PTPRC: variants seen among roughly 807,000 people sequenced by gnomAD.
PTPRC encodes protein tyrosine phosphatase receptor type C, also known as receptor-type tyrosine-protein phosphatase C.
Under a neutral mutation model 155.9 loss-of-function variants are expected in PTPRC, and 44 were observed. That is an observed-to-expected ratio of 0.28 (90% CI 0.22 to 0.36). The LOEUF (loss-of-function observed/expected upper bound fraction) is 0.36. PTPRC is among the 10% of genes least tolerant of loss of function. The pLI, the probability that PTPRC is intolerant of heterozygous loss-of-function variation, is 1.00. For synonymous variants in PTPRC, 525 were observed against 533.1 expected (o/e 0.98, Z 0.21); for missense variants, 1,401 against 1,564.6 (o/e 0.90, Z 1.76).
At chr1:198,725,939 T>C (rs1231446235) in intron 15 of PTPRC, among the ~76,000 whole-genome samples, 1 of 152,238 alleles carries the variant, frequency 6.6e-6, no homozygotes, top group Non-Finnish European at 1.5e-5. Flanking sequence ...TCTCTCATTT[T>C]CACTGTCATT....
chr1:198,657,314 G>A (rs1292561987), intron 2 of PTPRC, among the ~76,000 whole-genome samples: 2 of 151,022 alleles, frequency 1.3e-5, no homozygotes, highest in African/African-American at 4.9e-5. Flanking sequence ...GATTACTCGT[G>A]CTTTCCATTT....
chr1:198,718,986 A>G (rs1384541669), intron 14 of PTPRC, among the ~76,000 whole-genome samples: 1 of 152,066 alleles, frequency 6.6e-6, no homozygotes, highest in Non-Finnish European at 1.5e-5. Context: ...ATCACATTCT[A>G]TTAACTATAA....
At chr1:198,645,673 C>T (rs1662901463) in intron 2 of PTPRC, among the ~76,000 whole-genome samples, 1 of 151,748 alleles carries the variant, frequency 6.6e-6, no homozygotes, top group African/African-American at 2.4e-5. Context: ...AACTTGATTC[C>T]AAATGATATC....
intron 20 of PTPRC, among the ~76,000 whole-genome samples, chr1:198,733,088 G>A (rs550338190): frequency 4.0e-5 from 6 of 151,678 alleles, no homozygotes; most frequent in South Asian, 4.2e-4. Context: ...GTAAATGTCC[G>A]TACGTGGTTA....
rs1437379406 is a variant in PTPRC at position 198,752,292 on chromosome 1, G to A, written c.3251G>A (p.Gly1084Glu). The A allele has an allele frequency of 1.2e-5, 19 of 1,611,702 alleles. No individual in the cohort carries two copies. The highest frequency in any genetic ancestry group is 1.6e-5 in the Non-Finnish European group (19 of 1,178,290). ...QYWGEGKQTY[G>E]DIEVDLKDTD... ...TGGGGAGAAGGAAAGCAAACATATG[G>A]AGATATTGAAGTTGACCTGAAAGAC... The change falls in exon 30 of 33, where the codon GGA becomes GAA. Residue 1084 changes from glycine (G) to glutamate (E), a missense_variant. Physicochemically the swap from Gly to Glu is moderately conservative, Grantham distance 98 (BLOSUM62 -2). Coordinates refer to ENST00000442510, the MANE Select transcript of PTPRC (RefSeq NM_002838.5).
chr1:198,665,793 A>C (rs1664260619), intron 2 of PTPRC, among the ~76,000 whole-genome samples: 1 of 152,234 alleles, frequency 6.6e-6, no homozygotes, highest in Non-Finnish European at 1.5e-5. Context: ...CATGTCTGGC[A>C]ACATGTTGGC....
At chr1:198,737,836 C>A (rs1001300831) in intron 23 of PTPRC, among the ~76,000 whole-genome samples, 4 of 151,656 alleles carry the variant, frequency 2.6e-5, no homozygotes, top group African/African-American at 9.7e-5. Flanking sequence ...CAATTTCTTG[C>A]ATCAATGTTT....
rs2102559184 is a variant in PTPRC, at chr1:198,755,839, T to G, written c.3646-67T>G. 2.7e-6 allele frequency: 4 copies of G among 1,487,098 alleles called. No individual in the cohort carries two copies. The East Asian group carries it at 9.1e-5, about 34-fold the overall frequency. The allele number at this position is 1,487,098 out of a possible 1,614,324, so 92.1% of individuals were successfully genotyped here. A position where few individuals can be genotyped will look rare whatever the true frequency, so the allele number is the denominator to read the frequency against. On this transcript the variant is annotated intron_variant, in intron 32 of 32. Transcript: ENST00000442510. ...AATAAATCATTAGTTCTTGCTAATCTTCATCTGGCATAAAAATAATGACAT... is the reference window on the plus strand; with the variant it reads ...AATAAATCATTAGTTCTTGCTAATCGTCATCTGGCATAAAAATAATGACAT...
chr1:198,752,812 T>C (rs751403830), intron 31 of PTPRC, 40 bp downstream of exon 31: 1 of 1,591,026 alleles, frequency 6.3e-7, no homozygotes. Context: ...AAAATCATAA[T>C]GCTTGACTTC....
intron 14 of PTPRC, among the ~76,000 whole-genome samples, chr1:198,720,411 C>T (rs1299043135): frequency 1.3e-5 from 2 of 152,054 alleles, no homozygotes; most frequent in African/African-American, 4.8e-5. Context: ...GCTCCTGCAA[C>T]CTCCGCCTCC....
At chr1:198,755,844 C>A in intron 32 of PTPRC, 62 bp from the exon 33 acceptor site, 1 of 1,493,136 alleles carries the variant, frequency 6.7e-7, no homozygotes, top group Non-Finnish European at 9.3e-7. Context: ...TAATCTTCAT[C>A]TGGCATAAAA....
intron 16 of PTPRC, 55 bp downstream of exon 16, chr1:198,728,503 G>C: frequency 6.3e-7 from 1 of 1,586,376 alleles, no homozygotes; most frequent in Non-Finnish European, 8.6e-7. Context: ...TGGTGCAAAC[G>C]CATATCCATA....
At chr1:198,747,196 C>A (rs1417550069) in intron 26 of PTPRC, among the ~76,000 whole-genome samples, 1 of 150,374 alleles carries the variant, frequency 6.7e-6, no homozygotes, top group African/African-American at 2.4e-5. Flanking sequence ...TAAACTGATA[C>A]CTAGAGGGTA....
At chr1:198,669,049 G>A (rs1664497149) in intron 2 of PTPRC, among the ~76,000 whole-genome samples, 1 of 152,186 alleles carries the variant, frequency 6.6e-6, no homozygotes, top group African/African-American at 2.4e-5. Context: ...GATTTTATGT[G>A]ATTCAGTCTA....
rs201158579 is a variant in PTPRC, at chr1:198,728,389, A to C, written c.1770A>C (p.Thr590=). 12 of 1,613,172 alleles carry C rather than the reference A, an allele frequency of 7.4e-6. No individual in the cohort carries two copies. In the East Asian group the frequency reaches 2.5e-4, roughly 33 times the overall value. Reference sequence around the variant, plus strand: ...TTCTGGCATTTCTGATTATTGTGACATCAATAGCCCTGCTTGTTGTTCTCT... The same window carrying C: ...TTCTGGCATTTCTGATTATTGTGACCTCAATAGCCCTGCTTGTTGTTCTCT... The part of the protein sequence containing the change: ...IAFLAFLIIV[T]SIALLVVLYK... Residue 590 remains threonine (T), a synonymous_variant, in exon 16 of 33, where the codon ACA becomes ACC. Coordinates refer to ENST00000442510, the MANE Select transcript of PTPRC (RefSeq NM_002838.5).
At chr1:198,734,487 C>T (rs976910950) in intron 22 of PTPRC, 62 bp downstream of exon 22, 4 of 1,448,378 alleles carry the variant, frequency 2.8e-6, no homozygotes, top group Non-Finnish European at 2.9e-6. Flanking sequence ...TGTTGAATGG[C>T]ATTTTGAAAA....
At chr1:198,705,699 G>C (rs1652920930) in intron 8 of PTPRC, among the ~76,000 whole-genome samples, 1 of 152,002 alleles carries the variant, frequency 6.6e-6, no homozygotes, top group Non-Finnish European at 1.5e-5. Context: ...AGGATTACAG[G>C]CATGATCCAC....
At chr1:198,706,019 ACATTTC>A (rs1427546720) in intron 8 of PTPRC, among the ~76,000 whole-genome samples, 1 of 152,342 alleles carries the variant, frequency 6.6e-6, no homozygotes, top group Non-Finnish European at 1.5e-5. Context: ...ACTGGATTAT[ACATTTC>A]TAAAAGCTGA....
intron 2 of PTPRC, among the ~76,000 whole-genome samples, chr1:198,673,497 G>A (rs1407927034): frequency 2.0e-5 from 3 of 152,036 alleles, no homozygotes; most frequent in South Asian, 4.1e-4. Context: ...CTAGTATAAC[G>A]CATGATACAT....
Sources: allele counts gnomAD v4.1 joint callset (sites outside exome capture counted in the v4.1 genomes callset), GRCh38; gene constraint gnomAD v4.1.1; transcripts MANE v1.5; gene names NCBI Gene and HGNC (gene_info 2026-07-23, HGNC 2026-07-21).